The following PCNX3 variants were observed in gnomAD, a reference collection of about 807,000 sequenced individuals.
PCNX3 encodes pecanex 3, also known as pecanex-like protein 3.
Under a neutral mutation model 207.2 loss-of-function variants are expected in PCNX3, and 58 were observed. The observed-to-expected ratio is 0.28, with a 90% CI of 0.23 to 0.35. The LOEUF (loss-of-function observed/expected upper bound fraction) is 0.35. Among genes scored for constraint, PCNX3 ranks in the 10% least tolerant of loss-of-function variants. PCNX3 has a pLI of 1.00. For synonymous variants in PCNX3, 1,337 were observed against 1,183.5 expected, an observed-to-expected ratio of 1.13 and a Z score of -2.66; for missense variants, 2,410 against 2,774.4, an observed-to-expected ratio of 0.87 and a Z score of 2.95.
chr11:65,618,001 C>A lies in PCNX3; in HGVS notation c.639C>A (p.Asp213Glu). ...CAGACCCCTCTCTTGCCAGTACAGA[C>A]TCTTCAGAGCCTTCTCCCCTGGCTG... is the stretch of plus-strand genomic sequence containing the variant. ...AVPDPSLAST[D>E]SSEPSPLAGD... is the part of the protein sequence containing the mutation. The change falls in exon 6 of 35, where the codon GAC becomes GAA. Residue 213 changes from aspartate to glutamate, a missense_variant. Asp to Glu is a conservative substitution (Grantham distance 45, BLOSUM62 2). This residue lies in a region of PCNX3 where 1,104 missense variants were observed against 970.3 expected (regional missense o/e 1.14). Transcript: ENST00000355703. 2 of 1,611,236 alleles carry A rather than the reference C, an allele frequency of 1.2e-6. No individual in the cohort carries two copies. The highest frequency in any genetic ancestry group is 1.7e-6 in the Non-Finnish European group (2 of 1,179,196).
Position 65,637,384 on chromosome 11 carries a change from T to C in PCNX3, c.*406T>C. ...TTTCCTTTTTTTTCTTTTCTTTTTTTTTTTTTTTTTTGTGCTTCGGAGACA... is the reference window on the plus strand; with the variant it reads ...TTTCCTTTTTTTTCTTTTCTTTTTTCTTTTTTTTTTTGTGCTTCGGAGACA... On this transcript the variant is annotated 3_prime_UTR_variant, in exon 35 of 35. Transcript: ENST00000355703. The C allele has an allele frequency of 5.6e-6, 1 of 179,886 alleles. No individual in the cohort carries two copies. Among genetic ancestry groups the C allele is most frequent in the Non-Finnish European group, 1.2e-5 (1 of 85,860 alleles). 11.1% of individuals were successfully genotyped at this position (179,886 alleles called of 1,614,324 possible).
chr11:65,622,143 G>GGC lies in PCNX3; in HGVS notation c.2236-101_2236-100insCG. 3 of 1,465,002 alleles carry GGC rather than the reference G, an allele frequency of 2.0e-6. No homozygotes were observed. In the South Asian group the frequency reaches 4.1e-5, roughly 20 times the overall value. The allele number at this position is 1,465,002 out of a possible 1,614,324, so 90.8% of individuals were successfully genotyped here. A position where few individuals can be genotyped will look rare whatever the true frequency, so the allele number is the denominator to read the frequency against. On this transcript the variant is annotated intron_variant, in intron 10 of 34. Transcript: ENST00000355703. ...GGTCAACCAGACCGGTGTGCTGAAG[G>GGC]GGGGTAACAGTAGACCATGTGGGGG... is the stretch of plus-strand genomic sequence containing the variant.
intron 22 of PCNX3, 100 bp downstream of exon 22, chr11:65,627,682 C>A: frequency 7.1e-7 from 1 of 1,405,676 alleles, no homozygotes; most frequent in Admixed American, 1.8e-5. Context: ...CTGTGGCCAC[C>A]GCTCTGTATC....
At chr11:65,630,971 C>T (rs1279082122) in intron 27 of PCNX3, among the ~76,000 whole-genome samples, 1 of 152,236 alleles carries the variant, frequency 6.6e-6, no homozygotes, top group Non-Finnish European at 1.5e-5. Context: ...GGAGCAGCTG[C>T]TTGAGCAGTA....
At position 65,620,403 on chromosome 11, in the gene PCNX3, A is replaced by G. The variant is rs371292345; in HGVS notation, c.2073A>G (p.Gln691=). 80 of 1,613,084 alleles carry G rather than the reference A, an allele frequency of 5.0e-5. No individual in the cohort carries two copies. The highest frequency in any genetic ancestry group is 3.3e-4 in the Middle Eastern group (2 of 6,080). Residue 691 remains glutamine, a synonymous_variant, in exon 9 of 35, where the codon CAA becomes CAG. Coordinates refer to ENST00000355703, the MANE Select transcript of PCNX3 (RefSeq NM_032223.4). Reference sequence around the variant, plus strand: ...GCTACGAGAACCCTGTAGGGCAGCAAGGGGAGCAGACAGCTAATGGAGCCT... The same window carrying G: ...GCTACGAGAACCCTGTAGGGCAGCAGGGGGAGCAGACAGCTAATGGAGCCT... ...GGGYENPVGQ[Q]GEQTANGAWD... is the part of the protein sequence containing the mutation.
chr11:65,636,286 C>T lies in PCNX3; in HGVS notation c.5572C>T (p.Pro1858Ser), dbSNP rs1855834419. The T allele has an allele frequency of 3.7e-6, 6 of 1,608,494 alleles. No homozygotes were observed. Among genetic ancestry groups the T allele is most frequent in the African/African-American group, 1.3e-5 (1 of 74,878 alleles). The stretch of plus-strand genomic sequence containing the variant: ...CAGCAATAACCCCCCCGTGGCACAC[C>T]CCACACCTGAGAACACGGCAGGTGA... ...SLSNNPPVAH[P>S]TPENTAGNGD... Residue 1858 changes from proline to serine, a missense_variant, in exon 33 of 35, where the codon CCC becomes TCC. This residue lies in a region of PCNX3 where 278 missense variants were observed against 245.1 expected (regional missense o/e 1.13). Coordinates refer to ENST00000355703, the MANE Select transcript of PCNX3 (RefSeq NM_032223.4).
In PCNX3 at chr11:65,637,046, G is replaced by A. The variant is rs994133200; in HGVS notation, c.*68G>A. ...GGACCTGCTCTGCTGCCTCTCTGCT[G>A]GACCACAGAACTGAGTGGCTTTGGC... On this transcript the variant is annotated 3_prime_UTR_variant, in exon 35 of 35. Transcript: ENST00000355703. 30 of 1,484,292 alleles carry A rather than the reference G, an allele frequency of 2.0e-5. No homozygotes were observed. The highest frequency in any genetic ancestry group is 2.8e-5 in the African/African-American group (2 of 71,926). The allele number at this position is 1,484,292 out of a possible 1,614,324, so 91.9% of individuals were successfully genotyped here.
chr11:65,626,131 T>A, intron 20 of PCNX3, 77 bp downstream of exon 20: 1 of 1,532,490 alleles, frequency 6.5e-7, no homozygotes, highest in Non-Finnish European at 8.8e-7. Flanking sequence ...TGTGGTCCTC[T>A]CGGCTCAGGA....
chr11:65,619,712 G>A (rs778465572), intron 7 of PCNX3, 42 bp from the exon 8 acceptor site: 16 of 1,562,834 alleles, frequency 1.0e-5, no homozygotes, highest in South Asian at 9.2e-5. Flanking sequence ...GGGAGGGCCC[G>A]CAAGCTCTAG....
In PCNX3 at chr11:65,625,265, AC is replaced by A; in HGVS notation, c.3018del (p.Thr1007ProfsTer6). 6.2e-7 allele frequency: 1 copy of A among 1,608,568 alleles called. No homozygotes were observed. On this transcript the variant is annotated frameshift_variant, in exon 17 of 35. Coordinates refer to ENST00000355703, the MANE Select transcript of PCNX3 (RefSeq NM_032223.4). LOFTEE classifies it high-confidence loss of function. The surrounding 1 kb of genome is among the most constrained non-coding windows in gnomAD (Gnocchi z 5.6). ...TACCACCTGAGCCGGCAGAGCAGCG[AC>A]CCCACCGTGCTCTGGTGGGTGTGCT... Reference protein sequence around the residue: ...LSYHLSRQSSDPTVLWSLIRS... With the variant: ...LSYHLSRQSSXPTVLWSLIRS...
intron 9 of PCNX3, 78 bp downstream of exon 9, chr11:65,620,507 T>G (rs757186784): frequency 6.7e-7 from 1 of 1,491,150 alleles, no homozygotes; most frequent in Non-Finnish European, 9.2e-7. Context: ...GCCTGGAGTT[T>G]GCTCTCTTCC....
chr11:65,620,778 C>T (rs1197112839), intron 9 of PCNX3, 53 bp from the exon 10 acceptor site: 8 of 1,570,082 alleles, frequency 5.1e-6, no homozygotes, highest in Non-Finnish European at 6.9e-6. Flanking sequence ...CTCGACCCCA[C>T]CCAGCCCCAG....
intron 6 of PCNX3, 140 bp downstream of exon 6, chr11:65,619,207 G>A: frequency 1.2e-6 from 1 of 820,974 alleles, no homozygotes; most frequent in Non-Finnish European, 1.9e-6. Context: ...GCCTGGTGGT[G>A]ATTGACATTG....
intron 11 of PCNX3, 122 bp from the exon 12 acceptor site, chr11:65,623,369 G>A: frequency 7.6e-7 from 1 of 1,312,454 alleles, no homozygotes; most frequent in Non-Finnish European, 1.0e-6. Context: ...CATCTTCAGA[G>A]GACAAGGGTC....
At chr11:65,628,500 T>C in intron 22 of PCNX3, 95 bp from the exon 23 acceptor site, 2 of 1,217,044 alleles carry the variant, frequency 1.6e-6, no homozygotes, top group Non-Finnish European at 2.4e-6. Flanking sequence ...GCCAAGCCAG[T>C]GCGATGACCC....
At position 65,634,338 on chromosome 11, in the gene PCNX3, C is replaced by T. The variant is rs774385239; in HGVS notation, c.4683C>T (p.Cys1561=). 4.4e-6 allele frequency: 7 copies of T among 1,589,568 alleles called. No individual in the cohort carries two copies. Among genetic ancestry groups the T allele is most frequent in the Admixed American group, 3.5e-5 (2 of 56,394 alleles). Residue 1561 remains cysteine (C), a synonymous_variant, in exon 28 of 35, where the codon TGC becomes TGT. Transcript: ENST00000355703. ...CAVHLEWIQY[C]ASRRSQPVDQ... is the part of the protein sequence containing the mutation. ...TGCACCTCGAGTGGATCCAGTACTG[C>T]GCCTCCCGGCGCAGCCAGGTCAGGC... is the stretch of plus-strand genomic sequence containing the variant.
chr11:65,619,245 C>T (rs1381711853), intron 6 of PCNX3, among the ~76,000 whole-genome samples, 178 bp downstream of exon 6: 2 of 152,162 alleles, frequency 1.3e-5, no homozygotes, highest in African/African-American at 4.8e-5. Flanking sequence ...ACATGGGGCT[C>T]AGCCACCTGG....
intron 8 of PCNX3, 42 bp from the exon 9 acceptor site, chr11:65,620,297 C>G (rs750140230): frequency 6.3e-7 from 1 of 1,577,094 alleles, no homozygotes; most frequent in South Asian, 1.2e-5. Flanking sequence ...CTTGGTGCTT[C>G]TGTCTCTGCC....
intron 6 of PCNX3, 64 bp downstream of exon 6, chr11:65,619,131 G>T: frequency 1.5e-6 from 2 of 1,347,200 alleles, no homozygotes; most frequent in Non-Finnish European, 2.0e-6. Context: ...GTTGGGCAAA[G>T]GGCAGGTAAG....
Sources: gnomAD v4.1 joint callset for allele counts (sites outside exome capture counted in the v4.1 genomes callset) on GRCh38, gnomAD v4.1.1 for gene constraint, gnomAD v4.1.1 regional missense constraint, Gnocchi (gnomAD v3.1) non-coding constraint, MANE v1.5 for transcripts, NCBI Gene and HGNC (gene_info 2026-07-23, HGNC 2026-07-21) for gene names.